Variants in KDM5B observed in about 807,000 individuals in gnomAD.
The protein encoded by KDM5B is lysine-specific demethylase 5B.
A neutral mutation model predicts 193.4 loss-of-function variants in KDM5B; 144 were observed. The ratio of observed to expected loss-of-function variants is 0.74; its 90% confidence interval spans 0.65 to 0.86. The LOEUF (loss-of-function observed/expected upper bound fraction) is 0.86. Among genes scored for constraint, KDM5B ranks in the 40% least tolerant of loss-of-function variants. The pLI, the probability that KDM5B is intolerant of heterozygous loss-of-function variation, is 0.00. For synonymous variants in KDM5B, 668 were observed against 682.6 expected (o/e 0.98, Z 0.33); for missense variants, 1,833 against 1,886.9 (o/e 0.97, Z 0.53).
intron 5 of KDM5B, among the ~76,000 whole-genome samples, chr1:202,766,211 T>C (rs1188184124): frequency 2.0e-5 from 3 of 152,052 alleles, no homozygotes; most frequent in Non-Finnish European, 4.4e-5. Flanking sequence ...CGAGACCACC[T>C]ATAAAAGGAA....
intron 9 of KDM5B, among the ~76,000 whole-genome samples, chr1:202,757,710 G>A (rs1209994639): frequency 1.3e-5 from 2 of 152,140 alleles, no homozygotes; most frequent in Non-Finnish European, 2.9e-5. Flanking sequence ...ATATTGCTGG[G>A]ATCCATAAAT....
At chr1:202,747,239 C>G (rs1655594944) in intron 14 of KDM5B, among the ~76,000 whole-genome samples, 1 of 152,058 alleles carries the variant, frequency 6.6e-6, no homozygotes, top group Non-Finnish European at 1.5e-5. Context: ...TTGAATTGGT[C>G]ATTAAAAAGG....
At chr1:202,772,611 T>C (rs1656766308) in intron 4 of KDM5B, among the ~76,000 whole-genome samples, 2 of 152,136 alleles carry the variant, frequency 1.3e-5, no homozygotes. Context: ...TCCACAATCT[T>C]ACTCATTCCA....
intron 2 of KDM5B, 101 bp downstream of exon 2, chr1:202,776,916 G>A (rs371225070): frequency 6.9e-5 from 56 of 814,368 alleles, no homozygotes; most frequent in South Asian, 4.4e-4. Context: ...TCTAAAAACA[G>A]ATTTACAATG....
At position 202,808,313 on chromosome 1, in the gene KDM5B, G is replaced by A. The variant is rs779168314; in HGVS notation, c.-8C>T. 6.4e-5 allele frequency: 102 copies of A among 1,581,552 alleles called. No homozygotes were observed. The highest frequency in any genetic ancestry group is 8.2e-5 in the Non-Finnish European group (96 of 1,165,758). On this transcript the variant is annotated 5_prime_UTR_variant, in exon 1 of 27. Coordinates refer to ENST00000367265, the MANE Select transcript of KDM5B (RefSeq NM_006618.5). ...TGTGGTGGCCGCCTCCATCACCGCA[G>A]GCTGGGCAAGGGCGAGGCGAAGGTG...
chr1:202,732,167 G>C lies in KDM5B; in HGVS notation c.3910-228C>G, dbSNP rs1489819355. ...TAATCTTTCCAGTTTTACTTGGACT[G>C]ATTTCAGAGATGTAAAGAAGGCCAC... On this transcript the variant is annotated intron_variant, in intron 23 of 26. Coordinates refer to ENST00000367265, the MANE Select transcript of KDM5B (RefSeq NM_006618.5). The C allele has an allele frequency of 2.1e-5, 10 of 470,654 alleles. No homozygotes were observed. In the East Asian group the frequency reaches 4.2e-4, roughly 20 times the overall value. The allele number at this position is 470,654 out of a possible 1,614,324, so 29.2% of individuals were successfully genotyped here.
intron 4 of KDM5B, chr1:202,767,316 C>A: frequency 6.2e-7 from 1 of 1,609,004 alleles, no homozygotes; most frequent in South Asian, 1.1e-5. Flanking sequence ...CTAGTAACGA[C>A]CACTTGTTTT....
At position 202,726,294 on chromosome 1, in the gene KDM5B, T is replaced by C. The variant is rs1388682206; in HGVS notation, c.*2742A>G. The C allele has an allele frequency of 6.6e-6, 1 of 152,142 alleles. No individual in the cohort carries two copies. The highest frequency in any genetic ancestry group is 2.1e-4 in the South Asian group (1 of 4,826). 9.4% of individuals were successfully genotyped at this position (152,142 alleles called of 1,614,324 possible). On this transcript the variant is annotated 3_prime_UTR_variant, in exon 27 of 27. Coordinates refer to ENST00000367265, the MANE Select transcript of KDM5B (RefSeq NM_006618.5). Reference sequence around the variant, plus strand: ...ATCTCTCCTTTAGGTTAACTTAAGATAGAAAAATGAATCCCACCTCCTAGG... The same window carrying C: ...ATCTCTCCTTTAGGTTAACTTAAGACAGAAAAATGAATCCCACCTCCTAGG...
intron 4 of KDM5B, among the ~76,000 whole-genome samples, chr1:202,770,767 G>A (rs7541392): frequency 0.059 from 8,980 of 152,260 alleles, 454 homozygotes; most frequent in East Asian, 0.24. Context: ...CGTGAGAGAA[G>A]TAACAGGTGG....
intron 2 of KDM5B, among the ~76,000 whole-genome samples, chr1:202,775,856 CAAAAA>C (rs35222749): frequency 1.4e-4 from 3 of 21,432 alleles, no homozygotes; most frequent in African/African-American, 1.9e-4. Flanking sequence ...ACTCTTGTCT[CAAAAA>C]AAAAAAAAAA....
intron 5 of KDM5B, 50 bp from the exon 6 acceptor site, chr1:202,764,195 C>A (rs370859360): frequency 1.4e-5 from 14 of 1,011,688 alleles, no homozygotes; most frequent in Non-Finnish European, 2.0e-5. Context: ...AAGAAATAAT[C>A]TTTAAAAATC....
At position 202,749,007 on chromosome 1, in the gene KDM5B, G is replaced by A. The variant is rs755435934; in HGVS notation, c.1954C>T (p.Gln652Ter). 1 of 1,613,730 alleles carries A rather than the reference G, an allele frequency of 6.2e-7. No individual in the cohort carries two copies. Among genetic ancestry groups the A allele is most frequent in the Non-Finnish European group, 8.5e-7 (1 of 1,179,916 alleles). ...TCAATCATAATGGCCATGTCTTTCT[G>A]AACAGTTGAAGCCACTACAACATCT... The part of the protein sequence containing the change: ...VLDVVVASTV[Q>*]KDMAIMIEDE... Residue 652 changes from glutamine to a stop codon, truncating the protein, a stop_gained, in exon 14 of 27, where the codon CAG (glutamine) becomes TAG (stop). Coordinates refer to ENST00000367265, the MANE Select transcript of KDM5B (RefSeq NM_006618.5). LOFTEE classifies it high-confidence loss of function.
chr1:202,744,557 CAAAACA>C (rs897953192), intron 16 of KDM5B, among the ~76,000 whole-genome samples: 1 of 151,834 alleles, frequency 6.6e-6, no homozygotes, highest in South Asian at 2.1e-4. Flanking sequence ...GACTCCGTCT[CAAAACA>C]AAAACAAAAA....
At chr1:202,804,747 C>G (rs1308259645) in intron 1 of KDM5B, among the ~76,000 whole-genome samples, 1 of 151,836 alleles carries the variant, frequency 6.6e-6, no homozygotes, top group Non-Finnish European at 1.5e-5. Flanking sequence ...CGGTGGCTCA[C>G]GCCTGTAATC....
intron 7 of KDM5B, among the ~76,000 whole-genome samples, chr1:202,762,409 C>G (rs916616767): frequency 3.9e-5 from 6 of 152,184 alleles, no homozygotes; most frequent in African/African-American, 1.4e-4. Context: ...GTATAATGAG[C>G]TAGATTACAG....
Position 202,753,075 on chromosome 1 carries a change from T to C in KDM5B, c.1539-8A>G, listed in dbSNP as rs777753825. 15 of 1,604,674 alleles carry C rather than the reference T, an allele frequency of 9.3e-6. No individual in the cohort carries two copies. The highest frequency in any genetic ancestry group is 3.3e-4 in the Middle Eastern group (2 of 6,016). On this transcript the variant is annotated splice_polypyrimidine_tract_variant and splice_region_variant and intron_variant, in intron 11 of 26. Transcript: ENST00000367265. Reference sequence around the variant, plus strand: ...CAGGTTTTTGGCTCACCCCTGGAAATAGATTATAAAAATAAATCAATCTGC... The same window carrying C: ...CAGGTTTTTGGCTCACCCCTGGAAACAGATTATAAAAATAAATCAATCTGC...
chr1:202,802,442 G>C (rs752337170), intron 1 of KDM5B, among the ~76,000 whole-genome samples: 1 of 152,110 alleles, frequency 6.6e-6, no homozygotes, highest in Admixed American at 6.6e-5. Context: ...GCCCAGGCTA[G>C]AGTGCAATGG....
chr1:202,731,398 G>A (rs1417088526), intron 24 of KDM5B, among the ~76,000 whole-genome samples: 1 of 152,228 alleles, frequency 6.6e-6, no homozygotes, highest in Non-Finnish European at 1.5e-5. Flanking sequence ...GATGGCCACA[G>A]TGTCAACAGT....
chr1:202,736,110 G>T (rs1655083468), intron 21 of KDM5B, 103 bp downstream of exon 21: 3 of 839,590 alleles, frequency 3.6e-6, no homozygotes, highest in East Asian at 2.9e-5. Context: ...ACAACTCACA[G>T]AATATAGATT....
Sources: gnomAD v4.1 joint callset for allele counts (sites outside exome capture counted in the v4.1 genomes callset) on GRCh38, gnomAD v4.1.1 for gene constraint, MANE v1.5 for transcripts, NCBI Gene and HGNC (gene_info 2026-07-23, HGNC 2026-07-21) for gene names.